Variants in PLCH1 observed in about 807,000 individuals in gnomAD.
PLCH1 encodes the protein phospholipase C eta 1, also known as 1-phosphatidylinositol 4,5-bisphosphate phosphodiesterase eta-1.
In PLCH1, 60 loss-of-function variants were observed where a neutral mutation model predicts 126.7. That is an observed-to-expected ratio of 0.47 (90% CI 0.38 to 0.59). PLCH1 has a LOEUF of 0.59. Among genes scored for constraint, PLCH1 ranks in the 20% least tolerant of loss-of-function variants. PLCH1 has a pLI of 0.00. For synonymous variants in PLCH1, 719 were observed against 734.9 expected, an observed-to-expected ratio of 0.98 and a Z score of 0.35; for missense variants, 1,723 against 2,040.0, an observed-to-expected ratio of 0.84 and a Z score of 2.99.
chr3:155,583,305 A>G (rs1419519024), intron 6 of PLCH1, among the ~76,000 whole-genome samples, 167 bp downstream of exon 6: 1 of 152,120 alleles, frequency 6.6e-6, no homozygotes, highest in African/African-American at 2.4e-5. Flanking sequence ...CCTGTCTTAA[A>G]AGCTGCTAGA....
intron 1 of PLCH1, among the ~76,000 whole-genome samples, chr3:155,734,120 C>T (rs2109189217): frequency 6.6e-6 from 1 of 151,932 alleles, no homozygotes; most frequent in East Asian, 1.9e-4. Flanking sequence ...TCCTTGTGCA[C>T]TGCTGGTGAG....
At chr3:155,458,393 G>C (rs866422422) in intron 21 of PLCH1, among the ~76,000 whole-genome samples, 1 of 22,910 alleles carries the variant, frequency 4.4e-5, no homozygotes, top group African/African-American at 2.9e-4. Context: ...AAAGAAGGAA[G>C]GAAGGAAGGA....
chr3:155,666,741 C>A (rs1742762574), intron 2 of PLCH1, among the ~76,000 whole-genome samples: 1 of 152,090 alleles, frequency 6.6e-6, no homozygotes, highest in Non-Finnish European at 1.5e-5. Context: ...GTTTTTCACA[C>A]CTTTATCATA....
intron 2 of PLCH1, among the ~76,000 whole-genome samples, chr3:155,692,316 C>T (rs1745448108): frequency 6.6e-6 from 1 of 152,272 alleles, no homozygotes; most frequent in Non-Finnish European, 1.5e-5. Context: ...TGTATTAAAT[C>T]AGTAAACTCA....
intron 2 of PLCH1, among the ~76,000 whole-genome samples, chr3:155,640,931 C>T (rs1403269347): frequency 2.0e-5 from 3 of 152,212 alleles, no homozygotes; most frequent in Non-Finnish European, 2.9e-5. Flanking sequence ...TTTCAACGAA[C>T]GAATTCATAA....
chr3:155,457,037 C>T (rs1447263712), intron 21 of PLCH1: 1 of 152,306 alleles, frequency 6.6e-6, no homozygotes, highest in Non-Finnish European at 1.5e-5. Flanking sequence ...GGCGAGAAGT[C>T]CCTGCTGATC....
At chr3:155,640,629 A>T (rs980622271) in intron 2 of PLCH1, among the ~76,000 whole-genome samples, 1 of 152,176 alleles carries the variant, frequency 6.6e-6, no homozygotes, top group African/African-American at 2.4e-5. Context: ...ATTTAAATAC[A>T]TAGGCTATTT....
At chr3:155,655,304 C>T (rs1169550561) in intron 2 of PLCH1, among the ~76,000 whole-genome samples, 1 of 152,032 alleles carries the variant, frequency 6.6e-6, no homozygotes, top group Non-Finnish European at 1.5e-5. Context: ...AGCATGGTGG[C>T]ACATGCCTGT....
intron 2 of PLCH1, among the ~76,000 whole-genome samples, chr3:155,674,098 G>T (rs1002400628): frequency 3.3e-5 from 5 of 152,078 alleles, no homozygotes; most frequent in Middle Eastern, 3.2e-3. Flanking sequence ...GACACAACAA[G>T]ATGATAAAAA....
At position 155,492,749 on chromosome 3, in the gene PLCH1, T is replaced by C; in HGVS notation, c.2287A>G (p.Met763Val). 6.3e-7 allele frequency: 1 copy of C among 1,590,612 alleles called. No homozygotes were observed. The highest frequency in any genetic ancestry group is 1.2e-5 in the South Asian group (1 of 86,554). The part of the protein sequence containing the change: ...GQQLPKPPDS[M>V]FGDRGEIIDP... ...CTTACCTCGCCTCGATCTCCAAACA[T>C]GGAGTCTGGAGGTTTGGGGAGTTGC... The change falls in exon 18 of 23, where the codon ATG (methionine) becomes GTG (valine). Residue 763 changes from methionine to valine, a missense_variant. Physicochemically the swap from Met to Val is conservative, Grantham distance 21 (BLOSUM62 1). Around this residue, in one of 2 missense-constraint regions of PLCH1, gnomAD observed 776 missense variants for 1,062.9 expected, o/e 0.73. Coordinates refer to ENST00000460012, the MANE Select transcript of PLCH1 (RefSeq NM_014996.4).
intron 2 of PLCH1, among the ~76,000 whole-genome samples, chr3:155,700,032 A>G (rs1031228564): frequency 6.6e-6 from 1 of 152,148 alleles, no homozygotes; most frequent in Middle Eastern, 3.2e-3. Context: ...GTTTGACTAC[A>G]CAGAGACCTC....
At chr3:155,663,218 G>C (rs1162619135) in intron 2 of PLCH1, among the ~76,000 whole-genome samples, 1 of 152,138 alleles carries the variant, frequency 6.6e-6, no homozygotes, top group East Asian at 1.9e-4. Flanking sequence ...TTCTGGCTAA[G>C]TTCATATCTT....
At chr3:155,460,813 G>C (rs1712692067) in intron 21 of PLCH1, among the ~76,000 whole-genome samples, 1 of 151,242 alleles carries the variant, frequency 6.6e-6, no homozygotes, top group East Asian at 1.9e-4. Context: ...TAGATAGATA[G>C]ATAGATAGAT....
In PLCH1 at chr3:155,596,178, T is replaced by A. The variant is rs1389054517; in HGVS notation, c.226+54A>T. The A allele has an allele frequency of 5.7e-6, 8 of 1,399,716 alleles. No homozygotes were observed. The Admixed American group carries it at 1.4e-4, about 24-fold the overall frequency. 86.7% of individuals were successfully genotyped at this position (1,399,716 alleles called of 1,614,324 possible). A position where few individuals can be genotyped will look rare whatever the true frequency, so the allele number is the denominator to read the frequency against. On this transcript the variant is annotated intron_variant, in intron 3 of 22. Transcript: ENST00000460012. ...TGAAGCTTCAAGAGCCCACTCAGTA[T>A]AACCCGTGTGTTACTATGTCCAGCC...
chr3:155,521,906 T>G (rs1294784055), intron 11 of PLCH1, among the ~76,000 whole-genome samples: 1 of 152,310 alleles, frequency 6.6e-6, no homozygotes, highest in South Asian at 2.1e-4. Flanking sequence ...AGAATCCAAA[T>G]GAAAGATCAT....
At chr3:155,542,802 C>T (rs1420287382) in intron 10 of PLCH1, among the ~76,000 whole-genome samples, 2 of 152,112 alleles carry the variant, frequency 1.3e-5, no homozygotes, top group East Asian at 1.9e-4. Context: ...CTCTAGCAAA[C>T]TCCAACAGAC....
chr3:155,677,130 G>A (rs760246685), intron 2 of PLCH1, among the ~76,000 whole-genome samples: 5 of 151,812 alleles, frequency 3.3e-5, no homozygotes, highest in Admixed American at 6.6e-5. Context: ...TTCTAATATC[G>A]ACCCTATTGC....
chr3:155,504,315 G>T (rs1192647002), intron 13 of PLCH1, among the ~76,000 whole-genome samples: 1 of 147,314 alleles, frequency 6.8e-6, no homozygotes, highest in Admixed American at 6.6e-5. Context: ...CAGTTTTTTG[G>T]ATATATTATT....
downstream of PLCH1, among the ~76,000 whole-genome samples, chr3:155,475,135 A>C (rs11709283): frequency 0.29 from 44,301 of 151,546 alleles, 7,397 homozygotes; most frequent in African/African-American, 0.45. Context: ...AGCACAATGC[A>C]ATAAAACTAA....
Sources: allele counts gnomAD v4.1 joint callset (sites outside exome capture counted in the v4.1 genomes callset), GRCh38; gene constraint gnomAD v4.1.1; regional missense constraint gnomAD v4.1.1; transcripts MANE v1.5; gene names NCBI Gene and HGNC (gene_info 2026-07-23, HGNC 2026-07-21).